Variants in MSRA observed in about 807,000 individuals in gnomAD.
MSRA encodes methionine sulfoxide reductase A, also known as mitochondrial peptide methionine sulfoxide reductase.
In MSRA, 54 loss-of-function variants were observed where a neutral mutation model predicts 31.3. The ratio of observed to expected loss-of-function variants is 1.73; its 90% confidence interval spans 1.39 to 2.17. MSRA has a LOEUF of 2.17. MSRA is among the 30% of genes most tolerant of loss of function. The pLI is 0.00. For missense variants in MSRA, 507 were observed against 300.9 expected (o/e 1.69, Z -5.07); for synonymous variants, 169 against 116.5 (o/e 1.45, Z -2.90).
chr8:10,127,298 C>CA (rs1260857207), intron 1 of MSRA, among the ~76,000 whole-genome samples: 3 of 152,090 alleles, frequency 2.0e-5, no homozygotes, highest in Non-Finnish European at 4.4e-5. Context: ...TGCAAAAATT[C>CA]AAAAAATTGC....
At chr8:10,256,583 T>A (rs1798192668) in intron 3 of MSRA, among the ~76,000 whole-genome samples, 1 of 152,126 alleles carries the variant, frequency 6.6e-6, no homozygotes, top group Non-Finnish European at 1.5e-5. Flanking sequence ...CAAAAGCACT[T>A]AACATTGAAA....
chr8:10,092,454 C>T (rs938220164), intron 1 of MSRA, among the ~76,000 whole-genome samples: 8 of 152,036 alleles, frequency 5.3e-5, no homozygotes, highest in African/African-American at 7.2e-5. Context: ...GTCAAGAGAT[C>T]GAGACCATCC....
chr8:10,274,826 C>G (rs1799236946), intron 3 of MSRA, among the ~76,000 whole-genome samples: 1 of 152,096 alleles, frequency 6.6e-6, no homozygotes, highest in South Asian at 2.1e-4. Context: ...TACCCATCCA[C>G]CCACTCACCT....
intron 3 of MSRA, among the ~76,000 whole-genome samples, chr8:10,261,485 C>T (rs1798480995): frequency 6.6e-6 from 1 of 151,896 alleles, no homozygotes; most frequent in African/African-American, 2.4e-5. Context: ...TGCTTGAGGC[C>T]AGGAGTTTGA....
chr8:10,190,691 A>G (rs1308998756), intron 1 of MSRA, among the ~76,000 whole-genome samples: 1 of 152,060 alleles, frequency 6.6e-6, no homozygotes, highest in Non-Finnish European at 1.5e-5. Context: ...CCATTAACCT[A>G]CTGTGTGGTT....
chr8:10,356,985 A>T (rs937680098), intron 5 of MSRA, among the ~76,000 whole-genome samples: 3 of 150,654 alleles, frequency 2.0e-5, no homozygotes, highest in African/African-American at 7.3e-5. Context: ...TGGGTTTTTA[A>T]TCTGCAGATC....
At chr8:10,285,685 T>C (rs1361535801) in intron 3 of MSRA, among the ~76,000 whole-genome samples, 1 of 151,336 alleles carries the variant, frequency 6.6e-6, no homozygotes, top group South Asian at 2.1e-4. Context: ...ACCACTCTAC[T>C]CTCTACTTCT....
intron 1 of MSRA, among the ~76,000 whole-genome samples, chr8:10,167,054 G>C (rs916289415): frequency 6.6e-6 from 1 of 152,164 alleles, no homozygotes; most frequent in Non-Finnish European, 1.5e-5. Context: ...ATATCTTGGC[G>C]CTGGGCTAAT....
intron 5 of MSRA, among the ~76,000 whole-genome samples, chr8:10,391,850 C>A (rs558779597): frequency 1.3e-5 from 2 of 152,194 alleles, no homozygotes; most frequent in African/African-American, 4.8e-5. Flanking sequence ...CTTTTAAATA[C>A]CGCATTTCAC....
intron 5 of MSRA, among the ~76,000 whole-genome samples, chr8:10,377,932 A>G (rs1035996498): frequency 4.6e-5 from 7 of 152,180 alleles, no homozygotes; most frequent in Non-Finnish European, 1.0e-4. Flanking sequence ...ACTGCGCTTG[A>G]GCTTAGGTGA....
chr8:10,303,115 A>G (rs562144305), intron 4 of MSRA, among the ~76,000 whole-genome samples: 1 of 152,328 alleles, frequency 6.6e-6, no homozygotes, highest in South Asian at 2.1e-4. Flanking sequence ...AAGAGCTCCA[A>G]AATTATCAGT....
chr8:10,224,761 C>G (rs930968072), intron 2 of MSRA, among the ~76,000 whole-genome samples: 2 of 152,214 alleles, frequency 1.3e-5, no homozygotes, highest in Non-Finnish European at 2.9e-5. Context: ...CTGGGGAAAT[C>G]TTGGTCACTA....
rs140977894 is a variant in MSRA at position 10,200,733 on chromosome 8, G to A, written c.143-7100G>A. Among the ~76,000 whole-genome samples, 188 of 152,276 alleles carry A rather than the reference G, an allele frequency of 1.2e-3. 1 individual carries two copies. Among genetic ancestry groups the A allele is most frequent in the African/African-American group, 4.2e-3 (175 of 41,560 alleles). On this transcript the variant is annotated intron_variant, in intron 1 of 5. Coordinates refer to ENST00000317173, the MANE Select transcript of MSRA (RefSeq NM_012331.5). ...GGCAAAACCCACTCTTGGTTAACTTGCACCTTAAAACACCATATCGCACAT... is the reference window on the plus strand; with the variant it reads ...GGCAAAACCCACTCTTGGTTAACTTACACCTTAAAACACCATATCGCACAT...
At chr8:10,204,257 A>G (rs1808751365) in intron 1 of MSRA, among the ~76,000 whole-genome samples, 3 of 152,236 alleles carry the variant, frequency 2.0e-5, no homozygotes, top group African/African-American at 7.2e-5. Flanking sequence ...AGAAAATTTA[A>G]AAAACAATTT....
At chr8:10,360,636 T>C (rs1435610175) in intron 5 of MSRA, among the ~76,000 whole-genome samples, 1 of 152,240 alleles carries the variant, frequency 6.6e-6, no homozygotes, top group African/African-American at 2.4e-5. Flanking sequence ...GTTTGTAGCA[T>C]ACACGAAACT....
chr8:10,135,792 A>G (rs1802228245), intron 1 of MSRA, among the ~76,000 whole-genome samples: 1 of 152,250 alleles, frequency 6.6e-6, no homozygotes, highest in Admixed American at 6.5e-5. Flanking sequence ...GCAAACTGGC[A>G]GACGCAGTTC....
At chr8:10,114,934 T>C (rs1028667912) in intron 1 of MSRA, among the ~76,000 whole-genome samples, 1 of 152,182 alleles carries the variant, frequency 6.6e-6, no homozygotes, top group African/African-American at 2.4e-5. Context: ...ACACTCAAGA[T>C]ATATTTGGGG....
intron 5 of MSRA, among the ~76,000 whole-genome samples, chr8:10,367,380 T>C (rs746969120): frequency 6.6e-6 from 1 of 152,202 alleles, no homozygotes; most frequent in Non-Finnish European, 1.5e-5. Context: ...AATAAAACTT[T>C]AACAGGTAGG....
chr8:10,067,140 C>T (rs1443839195), intron 1 of MSRA, among the ~76,000 whole-genome samples: 2 of 152,090 alleles, frequency 1.3e-5, no homozygotes, highest in Non-Finnish European at 2.9e-5. Flanking sequence ...GCCTTCACTG[C>T]CTTAAAAGTC....
Sources: gnomAD v4.1 joint callset for allele counts (sites outside exome capture counted in the v4.1 genomes callset) on GRCh38, gnomAD v4.1.1 for gene constraint, MANE v1.5 for transcripts, NCBI Gene and HGNC (gene_info 2026-07-23, HGNC 2026-07-21) for gene names.